FKBP15: variants seen among roughly 807,000 people sequenced by gnomAD.
FKBP15 encodes FK506-binding protein 15.
In FKBP15, 106 loss-of-function variants were observed where a neutral mutation model predicts 158.1. The observed-to-expected ratio is 0.67, with a 90% CI of 0.57 to 0.79. FKBP15 has a LOEUF of 0.79. FKBP15 is among the 30% of genes least tolerant of loss of function. The pLI, the probability that FKBP15 is intolerant of heterozygous loss-of-function variation, is 0.00. For missense variants in FKBP15, 1,287 were observed against 1,479.1 expected (o/e 0.87, Z 2.13); for synonymous variants, 547 against 548.6 (o/e 1.00, Z 0.04).
chr9:113,170,042 T>G, intron 25 of FKBP15, 100 bp from the exon 26 acceptor site: 3 of 1,405,726 alleles, frequency 2.1e-6, no homozygotes, highest in South Asian at 3.0e-5. Context: ...ATGACTTTGC[T>G]TCTTTCCTGT....
intron 9 of FKBP15, among the ~76,000 whole-genome samples, chr9:113,194,889 T>C (rs1422929314): frequency 6.6e-6 from 1 of 152,210 alleles, no homozygotes; most frequent in Non-Finnish European, 1.5e-5. Flanking sequence ...TTTCACCAAT[T>C]CCTCACTGTT....
intron 19 of FKBP15, 79 bp from the exon 20 acceptor site, chr9:113,178,880 T>C: frequency 4.4e-6 from 6 of 1,366,918 alleles, no homozygotes; most frequent in Non-Finnish European, 5.9e-6. Flanking sequence ...CACATAACTC[T>C]ATGTAGACTG....
At chr9:113,207,528 TG>T (rs1278997158) in intron 2 of FKBP15, among the ~76,000 whole-genome samples, 1 of 151,620 alleles carries the variant, frequency 6.6e-6, no homozygotes, top group East Asian at 1.9e-4. Flanking sequence ...TTAGTAGAGA[TG>T]GGGTTTCACC....
intron 4 of FKBP15, among the ~76,000 whole-genome samples, chr9:113,205,855 T>C (rs1260280229): frequency 5.3e-5 from 8 of 152,226 alleles, no homozygotes; most frequent in Admixed American, 6.5e-5. Context: ...AATGAAATAC[T>C]GATGCATGCT....
At chr9:113,194,244 C>A in intron 9 of FKBP15, 75 bp from the exon 10 acceptor site, 3 of 1,160,034 alleles carry the variant, frequency 2.6e-6, no homozygotes, top group Non-Finnish European at 3.6e-6. Flanking sequence ...GGAAGGGGAA[C>A]ATCACACTCT....
At chr9:113,215,947 G>A (rs1024105447) in intron 1 of FKBP15, among the ~76,000 whole-genome samples, 2 of 151,756 alleles carry the variant, frequency 1.3e-5, no homozygotes, top group African/African-American at 4.8e-5. Context: ...CATTGCAACT[G>A]ACCAAGAGAA....
intron 18 of FKBP15, 43 bp from the exon 19 acceptor site, chr9:113,182,911 G>GA (rs1173823706): frequency 2.6e-6 from 4 of 1,512,696 alleles, no homozygotes; most frequent in Non-Finnish European, 3.7e-6. Flanking sequence ...ATCAAGCACT[G>GA]AGTGTATGGC....
At chr9:113,206,981 T>A in intron 3 of FKBP15, 1 of 483,100 alleles carries the variant, frequency 2.1e-6, no homozygotes, top group Non-Finnish European at 3.7e-6. Flanking sequence ...TCTTTGAGCA[T>A]TTGACAGCTG....
intron 23 of FKBP15, among the ~76,000 whole-genome samples, chr9:113,173,067 C>G (rs530872978): frequency 1.0e-3 from 158 of 152,292 alleles, no homozygotes; most frequent in Non-Finnish European, 1.8e-3. Context: ...CTTCTGGGCC[C>G]CATAGCACTT....
At chr9:113,180,059 C>G (rs1038034732) in intron 19 of FKBP15, among the ~76,000 whole-genome samples, 1 of 152,176 alleles carries the variant, frequency 6.6e-6, no homozygotes, top group Non-Finnish European at 1.5e-5. Flanking sequence ...AATAACAGAA[C>G]ATGCACCTCT....
At chr9:113,199,020 G>A in intron 7 of FKBP15, 97 bp from the exon 8 acceptor site, 1 of 784,282 alleles carries the variant, frequency 1.3e-6, no homozygotes. Flanking sequence ...ACTACTTCTG[G>A]AATAGGGAAT....
chr9:113,173,322 T>C, intron 23 of FKBP15, 131 bp downstream of exon 23: 1 of 904,956 alleles, frequency 1.1e-6, no homozygotes, highest in Non-Finnish European at 1.6e-6. Flanking sequence ...ACTGACAAGC[T>C]AAACAAGTGT....
intron 2 of FKBP15, among the ~76,000 whole-genome samples, chr9:113,211,113 T>C (rs4390018): frequency 0.5 from 76,290 of 152,004 alleles, 19,564 homozygotes; most frequent in African/African-American, 0.53. Context: ...ATACGTATAT[T>C]CTATTAGCTC....
Position 113,170,576 on chromosome 9 carries a change from C to T in FKBP15, c.2712G>A (p.Leu904=). 6.2e-7 allele frequency: 1 copy of T among 1,613,898 alleles called. No homozygotes were observed. Among genetic ancestry groups the T allele is most frequent in the Non-Finnish European group, 8.5e-7 (1 of 1,179,780 alleles). The change falls in exon 25 of 28, where the codon CTG becomes CTA. Residue 904 remains leucine (L), a synonymous_variant. Transcript: ENST00000238256. ...VFQSLRREFE[L]EESYNGRTIL... is the part of the protein sequence containing the mutation. ...TGGTCCTGCCATTGTAAGATTCCTC[C>T]AGCTCAAACTCTCTCCGTAAGGACT...
chr9:113,174,361 A>G, intron 22 of FKBP15, 67 bp downstream of exon 22: 5 of 1,535,402 alleles, frequency 3.3e-6, no homozygotes, highest in Non-Finnish European at 4.4e-6. Context: ...GGAAGAAACC[A>G]GAAGCTTTTC....
At chr9:113,189,220 T>C (rs17762642) in intron 12 of FKBP15, among the ~76,000 whole-genome samples, 38,434 of 152,094 alleles carry the variant, frequency 0.25, 5,176 homozygotes, top group Non-Finnish European at 0.3. Flanking sequence ...TATTCTCTTC[T>C]AGAAAAACAT....
chr9:113,170,820 A>G (rs1344653730), intron 24 of FKBP15, among the ~76,000 whole-genome samples, 191 bp from the exon 25 acceptor site: 1 of 152,200 alleles, frequency 6.6e-6, no homozygotes, highest in Non-Finnish European at 1.5e-5. Flanking sequence ...CAGCACTTTG[A>G]CAGAAGGGCT....
chr9:113,200,027 T>A (rs769465794), intron 6 of FKBP15, 64 bp from the exon 7 acceptor site: 27 of 1,503,984 alleles, frequency 1.8e-5, no homozygotes, highest in Non-Finnish European at 2.3e-5. Context: ...ATTCCTTTAT[T>A]GCTACTGCTC....
chr9:113,199,086 T>C (rs1830739461), intron 7 of FKBP15, among the ~76,000 whole-genome samples, 163 bp from the exon 8 acceptor site: 1 of 152,202 alleles, frequency 6.6e-6, no homozygotes, highest in Non-Finnish European at 1.5e-5. Context: ...GCCCACATCA[T>C]AGCTAAAGGG....
Sources: gnomAD v4.1 joint callset for allele counts (sites outside exome capture counted in the v4.1 genomes callset) on GRCh38, gnomAD v4.1.1 for gene constraint, MANE v1.5 for transcripts, NCBI Gene and HGNC (gene_info 2026-07-23, HGNC 2026-07-21) for gene names.